The following ATP6V0A2 variants were observed in gnomAD, a reference collection of about 807,000 sequenced individuals.
ATP6V0A2 encodes the protein ATPase H+ transporting V0 subunit a2.
In ATP6V0A2, 58 loss-of-function variants were observed where a neutral mutation model predicts 104.4. That is an observed-to-expected ratio of 0.56 (90% CI 0.45 to 0.69). The LOEUF is 0.69. ATP6V0A2 is among the 30% of genes least tolerant of loss of function. ATP6V0A2 has a pLI of 0.00. For missense variants in ATP6V0A2, 938 were observed against 1,062.9 expected, an observed-to-expected ratio of 0.88 and a Z score of 1.63; for synonymous variants, 376 against 397.9, an observed-to-expected ratio of 0.95 and a Z score of 0.65.
chr12:123,745,494 C>G (rs1055347133), intron 13 of ATP6V0A2, among the ~76,000 whole-genome samples: 3 of 152,078 alleles, frequency 2.0e-5, no homozygotes, highest in Admixed American at 6.5e-5. Context: ...ATCATGAGGT[C>G]AGGAGATTGA....
chr12:123,712,479 C>T lies in ATP6V0A2; in HGVS notation c.-87C>T. 1.2e-6 allele frequency: 1 copy of T among 834,658 alleles called. No homozygotes were observed. The highest frequency in any genetic ancestry group is 1.7e-6 in the Non-Finnish European group (1 of 582,236). 51.7% of individuals were successfully genotyped at this position (834,658 alleles called of 1,614,324 possible). On this transcript the variant is annotated 5_prime_UTR_variant, in exon 1 of 20. Coordinates refer to ENST00000330342, the MANE Select transcript of ATP6V0A2 (RefSeq NM_012463.4). ...CCAGGCCACAGGAAGAGCTCGAGGC[C>T]CGGGCCGCACCGGCTGAGTGTGCGG... is the stretch of plus-strand genomic sequence containing the variant.
At chr12:123,727,691 C>A in intron 5 of ATP6V0A2, 92 bp from the exon 6 acceptor site, 1 of 1,523,510 alleles carries the variant, frequency 6.6e-7, no homozygotes, top group South Asian at 1.1e-5. Flanking sequence ...GTCTTCACCA[C>A]TTGGTAGAAA....
At chr12:123,754,291 C>G (rs747871038) in intron 17 of ATP6V0A2, 129 bp from the exon 18 acceptor site, 3 of 756,676 alleles carry the variant, frequency 4.0e-6, no homozygotes, top group Non-Finnish European at 7.1e-6. Flanking sequence ...TCCTCACACT[C>G]TAGCGTGTTC....
rs1223411843 is a variant in ATP6V0A2, at chr12:123,744,220, C to T, written c.1209C>T (p.Thr403=). The T allele has an allele frequency of 1.2e-6, 2 of 1,614,146 alleles. No individual in the cohort carries two copies. Among genetic ancestry groups the T allele is most frequent in the Non-Finnish European group, 1.7e-6 (2 of 1,180,034 alleles). The part of the protein sequence containing the change: ...EVNPALFTII[T]FPFLFAVMFG... Reference sequence around the variant, plus strand: ...CTGCAGCTCTCTTTACCATCATCACCTTCCCGTTTTTATTTGCTGTGATGT... The same window carrying T: ...CTGCAGCTCTCTTTACCATCATCACTTTCCCGTTTTTATTTGCTGTGATGT... The change falls in exon 11 of 20, where the codon ACC becomes ACT. Residue 403 remains threonine (T), a synonymous_variant. Transcript: ENST00000330342. This position sits in a 1 kb window ranked among gnomAD's most constrained non-coding sequence, Gnocchi z 5.4.
intron 9 of ATP6V0A2, among the ~76,000 whole-genome samples, chr12:123,742,907 A>T (rs543389198): frequency 2.6e-5 from 4 of 152,334 alleles, no homozygotes; most frequent in South Asian, 4.1e-4. Flanking sequence ...CCTTATTTTA[A>T]AAGTGTTTTC....
intron 6 of ATP6V0A2, among the ~76,000 whole-genome samples, chr12:123,730,148 G>A (rs556228322): frequency 3.4e-4 from 50 of 146,044 alleles, no homozygotes; most frequent in Admixed American, 6.5e-4. Context: ...TCCGCCTCCT[G>A]GGTTCACGCC....
chr12:123,720,424 C>G (rs568137785), intron 2 of ATP6V0A2, among the ~76,000 whole-genome samples: 1 of 152,198 alleles, frequency 6.6e-6, no homozygotes, highest in Admixed American at 6.5e-5. Context: ...GGGCTGGGCA[C>G]GATGGCTCAC....
At chr12:123,751,006 C>T (rs561489072) in intron 15 of ATP6V0A2, 104 bp from the exon 16 acceptor site, 14 of 1,486,444 alleles carry the variant, frequency 9.4e-6, no homozygotes, top group South Asian at 5.7e-5. Context: ...GAATGTTCCT[C>T]GCGTGGAGAC....
intron 9 of ATP6V0A2, among the ~76,000 whole-genome samples, chr12:123,742,229 GCCT>G (rs1372186046): frequency 4.6e-5 from 7 of 152,338 alleles, no homozygotes; most frequent in African/African-American, 1.7e-4. Context: ...TTGTGGTTTG[GCCT>G]CCTCTGCTTT....
At chr12:123,712,990 A>G (rs1219909173) in intron 1 of ATP6V0A2, among the ~76,000 whole-genome samples, 1 of 152,086 alleles carries the variant, frequency 6.6e-6, no homozygotes, top group African/African-American at 2.4e-5. Flanking sequence ...GGCCTCTTGG[A>G]GTCCTTTTGG....
Position 123,743,842 on chromosome 12 carries a change from C to G in ATP6V0A2, c.1096C>G (p.Pro366Ala). 1 of 1,613,938 alleles carries G rather than the reference C, an allele frequency of 6.2e-7. No individual in the cohort carries two copies. ...GAATATAATCCCCACAAAAGAAACA[C>G]CCCCCACTCGGATCCGCACCAACAA... The part of the protein sequence containing the change: ...FMNIIPTKET[P>A]PTRIRTNKFT... The change falls in exon 10 of 20, where the codon CCC (proline) becomes GCC (alanine). Residue 366 changes from proline to alanine, a missense_variant. By Grantham distance (27) the Pro-to-Ala change is conservative. Coordinates refer to ENST00000330342, the MANE Select transcript of ATP6V0A2 (RefSeq NM_012463.4).
intron 19 of ATP6V0A2, 83 bp downstream of exon 19, chr12:123,757,069 G>A: frequency 7.0e-7 from 1 of 1,427,058 alleles, no homozygotes; most frequent in Non-Finnish European, 9.8e-7. Flanking sequence ...AATATACACA[G>A]CCCCTGCAAA....
chr12:123,735,523 T>G lies in ATP6V0A2; in HGVS notation c.732-8T>G, dbSNP rs1366166652. On this transcript the variant is annotated splice_polypyrimidine_tract_variant and splice_region_variant and intron_variant, in intron 7 of 19. Transcript: ENST00000330342. Reference sequence around the variant, plus strand: ...GATGTGAGACTGTGTTCAACTCTTGTCTTCCAGCTACCACTGCCACGTGTA... The same window carrying G: ...GATGTGAGACTGTGTTCAACTCTTGGCTTCCAGCTACCACTGCCACGTGTA... 1 of 1,613,006 alleles carries G rather than the reference T, an allele frequency of 6.2e-7. No homozygotes were observed. The highest frequency in any genetic ancestry group is 8.5e-7 in the Non-Finnish European group (1 of 1,179,122).
intron 15 of ATP6V0A2, 167 bp from the exon 16 acceptor site, chr12:123,750,943 A>G (rs1439169377): frequency 5.0e-6 from 4 of 799,360 alleles, no homozygotes; most frequent in Non-Finnish European, 8.4e-6. Flanking sequence ...GAATTCAGCT[A>G]TGAGTTTAGG....
chr12:123,748,842 T>C, intron 15 of ATP6V0A2, 57 bp downstream of exon 15: 1 of 1,504,646 alleles, frequency 6.6e-7, no homozygotes, highest in Non-Finnish European at 9.2e-7. Context: ...TAGTCTTTTA[T>C]TCTGAGCAGT....
chr12:123,746,777 T>G (rs1956666929), intron 13 of ATP6V0A2, among the ~76,000 whole-genome samples: 1 of 151,874 alleles, frequency 6.6e-6, no homozygotes, highest in Non-Finnish European at 1.5e-5. Flanking sequence ...CGAAACCCTT[T>G]CTCTACTAAA....
intron 7 of ATP6V0A2, 43 bp downstream of exon 7, chr12:123,734,051 C>T (rs756834963): frequency 8.0e-6 from 12 of 1,491,880 alleles, no homozygotes; most frequent in Non-Finnish European, 1.1e-5. Flanking sequence ...TCTTTATATT[C>T]AGTCACCTCT....
intron 7 of ATP6V0A2, among the ~76,000 whole-genome samples, chr12:123,735,153 G>GTGTGTC (rs1395992297): frequency 5.3e-5 from 8 of 150,870 alleles, no homozygotes; most frequent in Non-Finnish European, 1.2e-4. Context: ...GTGTGTGTGT[G>GTGTGTC]TGTGTGTGTG....
chr12:123,747,651 C>T lies in ATP6V0A2; in HGVS notation c.1650C>T (p.Phe550=). Reference sequence around the variant, plus strand: ...ATCGCCTCACTTTTCTAAACTCTTTCAAAATGAAAATGTCCGTGATTTTAG... The same window carrying T: ...ATCGCCTCACTTTTCTAAACTCTTTTAAAATGAAAATGTCCGTGATTTTAG... The part of the protein sequence containing the change: ...ATNRLTFLNS[F]KMKMSVILGI... Residue 550 remains phenylalanine (F), a synonymous_variant, in exon 14 of 20, where the codon TTC becomes TTT. Transcript: ENST00000330342. 6.2e-7 allele frequency: 1 copy of T among 1,613,794 alleles called. No individual in the cohort carries two copies. Among genetic ancestry groups the T allele is most frequent in the African/African-American group, 1.3e-5 (1 of 75,026 alleles).
Sources: gnomAD v4.1 joint callset for allele counts (sites outside exome capture counted in the v4.1 genomes callset) on GRCh38, gnomAD v4.1.1 for gene constraint, Gnocchi (gnomAD v3.1) non-coding constraint, MANE v1.5 for transcripts, NCBI Gene and HGNC (gene_info 2026-07-23, HGNC 2026-07-21) for gene names.